Variants in NOS1AP observed in about 807,000 individuals in gnomAD.
NOS1AP encodes the protein carboxyl-terminal PDZ ligand of neuronal nitric oxide synthase protein.
In NOS1AP, 21 loss-of-function variants were observed where a neutral mutation model predicts 56.2. The ratio of observed to expected loss-of-function variants is 0.37; its 90% CI spans 0.26 to 0.54. The LOEUF is 0.54. Ranked by LOEUF, NOS1AP falls within the 20% of genes least tolerant of loss-of-function variation. The pLI is 0.84. For synonymous variants in NOS1AP, 270 were observed against 274.6 expected, an observed-to-expected ratio of 0.98 and a Z score of 0.17; for missense variants, 522 against 657.8, an observed-to-expected ratio of 0.79 and a Z score of 2.26.
intron 1 of NOS1AP, among the ~76,000 whole-genome samples, chr1:162,090,519 A>G (rs950517048): frequency 1.3e-5 from 2 of 152,074 alleles, no homozygotes; most frequent in Admixed American, 6.5e-5. Context: ...TTTTAGAATT[A>G]TATTCCTTGC....
chr1:162,091,565 A>C (rs1252119467), intron 1 of NOS1AP, among the ~76,000 whole-genome samples: 1 of 152,004 alleles, frequency 6.6e-6, no homozygotes, highest in East Asian at 1.9e-4. Flanking sequence ...ATTGCTTTTA[A>C]TTTTCACTAC....
intron 2 of NOS1AP, among the ~76,000 whole-genome samples, chr1:162,269,485 T>C (rs1026545896): frequency 6.6e-6 from 1 of 152,192 alleles, no homozygotes; most frequent in Non-Finnish European, 1.5e-5. Context: ...CCAGTACTTA[T>C]TTTTGAAAAT....
intron 1 of NOS1AP, among the ~76,000 whole-genome samples, chr1:162,137,554 C>T (rs1022694146): frequency 3.4e-4 from 51 of 152,184 alleles, no homozygotes; most frequent in African/African-American, 1.1e-3. Flanking sequence ...AGAAGTAAAC[C>T]TCAGAGCTCT....
intron 1 of NOS1AP, among the ~76,000 whole-genome samples, chr1:162,108,279 G>T (rs1647586547): frequency 6.6e-6 from 1 of 152,178 alleles, no homozygotes; most frequent in Non-Finnish European, 1.5e-5. Context: ...TCATGTTGTA[G>T]AAGGACTCAG....
chr1:162,138,475 C>A (rs4657155), intron 1 of NOS1AP, among the ~76,000 whole-genome samples: 105,594 of 152,064 alleles, frequency 0.69, 37,103 homozygotes, highest in Non-Finnish European at 0.73. Context: ...TATACCCTTG[C>A]ATAGCATTTA....
chr1:162,305,206 G>A (rs1045107172), intron 4 of NOS1AP, among the ~76,000 whole-genome samples: 1 of 151,868 alleles, frequency 6.6e-6, no homozygotes, highest in South Asian at 2.1e-4. Flanking sequence ...TAATTACATT[G>A]GTAGTCCTGT....
At chr1:162,307,600 G>A (rs761232922) in intron 4 of NOS1AP, among the ~76,000 whole-genome samples, 10 of 151,976 alleles carry the variant, frequency 6.6e-5, no homozygotes, top group Non-Finnish European at 7.4e-5. Context: ...TCAGGAGATC[G>A]AGACCCTCCT....
At chr1:162,099,251 G>A (rs1388436521) in intron 1 of NOS1AP, among the ~76,000 whole-genome samples, 1 of 149,468 alleles carries the variant, frequency 6.7e-6, no homozygotes, top group Non-Finnish European at 1.5e-5. Flanking sequence ...GCAGTGGCAC[G>A]ACCTCGGCTC....
chr1:162,095,844 A>G (rs1011101661), intron 1 of NOS1AP, among the ~76,000 whole-genome samples: 33 of 152,198 alleles, frequency 2.2e-4, no homozygotes, highest in African/African-American at 7.7e-4. Flanking sequence ...TTGCATGATT[A>G]TTGTGGAGAT....
At chr1:162,132,327 T>C (rs6704253) in intron 1 of NOS1AP, among the ~76,000 whole-genome samples, 36,715 of 152,160 alleles carry the variant, frequency 0.24, 8,251 homozygotes, top group African/African-American at 0.6. Context: ...AGAGAATCCA[T>C]AGGAAGAAGC....
intron 2 of NOS1AP, among the ~76,000 whole-genome samples, chr1:162,221,745 A>G (rs1652789135): frequency 6.6e-6 from 1 of 152,240 alleles, no homozygotes; most frequent in African/African-American, 2.4e-5. Context: ...AACGTTTGTC[A>G]GCATTTAACA....
intron 1 of NOS1AP, among the ~76,000 whole-genome samples, chr1:162,109,122 T>C (rs1022129814): frequency 5.3e-5 from 8 of 152,220 alleles, no homozygotes; most frequent in Admixed American, 3.3e-4. Flanking sequence ...GAGAACAGTA[T>C]GGAGGAGACC....
chr1:162,364,904 C>T (rs185943698), intron 8 of NOS1AP: 12 of 999,100 alleles, frequency 1.2e-5, no homozygotes, highest in South Asian at 4.4e-5. Context: ...ATATGGGCTT[C>T]GTTGTGACAC....
At chr1:162,113,444 G>A (rs1187814249) in intron 1 of NOS1AP, among the ~76,000 whole-genome samples, 1 of 152,124 alleles carries the variant, frequency 6.6e-6, no homozygotes, top group African/African-American at 2.4e-5. Flanking sequence ...TTGCATTGTT[G>A]TAAAGAAACA....
chr1:162,088,885 A>G (rs1692062979), intron 1 of NOS1AP, among the ~76,000 whole-genome samples: 1 of 152,048 alleles, frequency 6.6e-6, no homozygotes, highest in African/African-American at 2.4e-5. Context: ...CGTCTTTATG[A>G]ATTATGAATT....
intron 2 of NOS1AP, among the ~76,000 whole-genome samples, chr1:162,211,908 C>T (rs1365182800): frequency 6.6e-6 from 1 of 152,172 alleles, no homozygotes; most frequent in Admixed American, 6.5e-5. Flanking sequence ...CTTGTAGCTT[C>T]CCCCCACAAA....
intron 1 of NOS1AP, among the ~76,000 whole-genome samples, chr1:162,134,455 C>T: frequency 7.1e-6 from 1 of 140,304 alleles, no homozygotes; most frequent in Non-Finnish European, 1.5e-5. Flanking sequence ...TACTGCACTC[C>T]AGCCTGGAGT....
intron 2 of NOS1AP, among the ~76,000 whole-genome samples, chr1:162,206,564 A>G (rs1002098745): frequency 1.4e-4 from 22 of 152,184 alleles, no homozygotes; most frequent in African/African-American, 5.1e-4. Flanking sequence ...TAGTTTGTCA[A>G]CCTCTGAAGT....
At chr1:162,096,215 T>C (rs1487755487) in intron 1 of NOS1AP, among the ~76,000 whole-genome samples, 1 of 152,214 alleles carries the variant, frequency 6.6e-6, no homozygotes, top group African/African-American at 2.4e-5. Flanking sequence ...TTCTTTCCTC[T>C]GCAGTGTCTT....
Sources: gnomAD v4.1 joint callset for allele counts (sites outside exome capture counted in the v4.1 genomes callset) on GRCh38, gnomAD v4.1.1 for gene constraint, MANE v1.5 for transcripts, NCBI Gene and HGNC (gene_info 2026-07-23, HGNC 2026-07-21) for gene names.